The following NKAIN3 variants were observed in gnomAD, a reference collection of about 807,000 sequenced individuals.
NKAIN3 encodes the protein sodium/potassium transporting ATPase interacting 3, also known as sodium/potassium-transporting ATPase subunit beta-1-interacting protein 3.
NKAIN3 carries 25 observed loss-of-function variants against 30.2 expected under a neutral mutation model. The ratio of observed to expected loss-of-function variants is 0.83; its 90% CI spans 0.60 to 1.16. The LOEUF (loss-of-function observed/expected upper bound fraction) is 1.16. NKAIN3 is among the 50% of genes most tolerant of loss of function. NKAIN3 has a pLI of 0.00. For missense variants in NKAIN3, 225 were observed against 254.1 expected (o/e 0.89, Z 0.78); for synonymous variants, 91 against 89.6 (o/e 1.02, Z -0.09).
chr8:62,913,622 G>A (rs1028188816), intron 4 of NKAIN3, among the ~76,000 whole-genome samples: 13 of 152,128 alleles, frequency 8.5e-5, no homozygotes, highest in Non-Finnish European at 1.6e-4. Flanking sequence ...GAAAACTAAT[G>A]TTCACAAAAT....
Position 62,729,043 on chromosome 8 carries a change from A to AAAACAAACAAAC in NKAIN3, c.274-17886_274-17885insCAAACAAACAAA, listed in dbSNP as rs1696042224. ...ACAAACCAAAAAAAAAAAAAAACAA[A>AAAACAAACAAAC]AAAAAAAAACCTCCTGCTCTGCAAA... On this transcript the variant is annotated intron_variant, in intron 3 of 6. Coordinates refer to ENST00000623646, the MANE Select transcript of NKAIN3 (RefSeq NM_001304533.3). 3.7e-4 allele frequency among the ~76,000 whole-genome samples: 47 copies of AAAACAAACAAAC among 128,698 alleles called. 1 individual carries two copies. The highest frequency in any genetic ancestry group is 1.5e-3 in the African/African-American group (47 of 30,744). 84.4% of individuals were successfully genotyped at this position (128,698 alleles called of 152,430 possible). A position where few individuals can be genotyped will look rare whatever the true frequency, so the allele number is the denominator to read the frequency against.
At chr8:62,779,706 T>A (rs562570831) in intron 4 of NKAIN3, among the ~76,000 whole-genome samples, 1 of 152,310 alleles carries the variant, frequency 6.6e-6, no homozygotes, top group Non-Finnish European at 1.5e-5. Flanking sequence ...ATGGACAATA[T>A]GTTAGAACAC....
intron 4 of NKAIN3, among the ~76,000 whole-genome samples, chr8:62,748,292 G>C (rs1816153881): frequency 6.6e-6 from 1 of 152,018 alleles, no homozygotes; most frequent in East Asian, 1.9e-4. Flanking sequence ...CACATCTCTG[G>C]TGCTGGCTGT....
chr8:62,998,340 A>G (rs753151429), intron 5 of NKAIN3, among the ~76,000 whole-genome samples: 5 of 151,850 alleles, frequency 3.3e-5, no homozygotes, highest in East Asian at 1.9e-4. Flanking sequence ...CAGTGGCCCA[A>G]TCTCGGCTTA....
At chr8:62,431,286 C>A (rs1266983567) in intron 1 of NKAIN3, among the ~76,000 whole-genome samples, 4 of 151,804 alleles carry the variant, frequency 2.6e-5, no homozygotes, top group Non-Finnish European at 4.4e-5. Context: ...ATGTATTTAA[C>A]AAAGAACTCT....
At chr8:62,450,834 G>GA (rs1805616415) in intron 1 of NKAIN3, among the ~76,000 whole-genome samples, 1 of 152,172 alleles carries the variant, frequency 6.6e-6, no homozygotes, top group African/African-American at 2.4e-5. Context: ...GATCTTGAAA[G>GA]AATGTCTTAT....
intron 5 of NKAIN3, among the ~76,000 whole-genome samples, chr8:62,935,263 G>A (rs75931208): frequency 0.011 from 1,612 of 152,278 alleles, 7 homozygotes; most frequent in Non-Finnish European, 0.015. Flanking sequence ...AGATCATTAT[G>A]TAATCCTACA....
intron 3 of NKAIN3, among the ~76,000 whole-genome samples, chr8:62,673,992 A>G (rs1229044780): frequency 6.6e-6 from 1 of 152,206 alleles, no homozygotes; most frequent in African/African-American, 2.4e-5. Flanking sequence ...TAGTGGAAGG[A>G]TTAAATCAGT....
intron 1 of NKAIN3, among the ~76,000 whole-genome samples, chr8:62,292,582 G>T (rs1309207687): frequency 6.6e-6 from 1 of 152,174 alleles, no homozygotes; most frequent in Non-Finnish European, 1.5e-5. Flanking sequence ...CTTCTGGCTT[G>T]TAGAGTTTCT....
chr8:62,523,719 T>G (rs973553911), intron 1 of NKAIN3, among the ~76,000 whole-genome samples: 6 of 152,114 alleles, frequency 3.9e-5, no homozygotes, highest in Admixed American at 2.6e-4. Flanking sequence ...TCTGGATTTC[T>G]TATGACCATG....
At chr8:62,529,254 G>A (rs1808412551) in intron 1 of NKAIN3, among the ~76,000 whole-genome samples, 2 of 152,072 alleles carry the variant, frequency 1.3e-5, no homozygotes, top group Non-Finnish European at 1.5e-5. Flanking sequence ...AATTTAAAAG[G>A]CAAAAAGTTA....
At chr8:62,820,963 T>C (rs543608012) in intron 4 of NKAIN3, among the ~76,000 whole-genome samples, 2 of 152,288 alleles carry the variant, frequency 1.3e-5, no homozygotes, top group South Asian at 4.1e-4. Flanking sequence ...CCCAAACTTA[T>C]CATGGGCATA....
At chr8:62,907,246 T>C (rs1821802916) in intron 4 of NKAIN3, among the ~76,000 whole-genome samples, 1 of 152,164 alleles carries the variant, frequency 6.6e-6, no homozygotes, top group Non-Finnish European at 1.5e-5. Context: ...AACAAAGCAT[T>C]TAAGAGGTGA....
chr8:62,894,901 T>C (rs1193406553), intron 4 of NKAIN3, among the ~76,000 whole-genome samples: 2 of 152,164 alleles, frequency 1.3e-5, no homozygotes, highest in African/African-American at 4.8e-5. Context: ...CACATCAATA[T>C]TCCAGGCAAG....
At chr8:62,901,552 T>A (rs1869729) in intron 4 of NKAIN3, among the ~76,000 whole-genome samples, 1 of 152,058 alleles carries the variant, frequency 6.6e-6, no homozygotes, top group African/African-American at 2.4e-5. Context: ...AGCCTAATTT[T>A]GACTCTTGTG....
chr8:62,317,266 C>T (rs961653837), intron 1 of NKAIN3, among the ~76,000 whole-genome samples: 1 of 152,156 alleles, frequency 6.6e-6, no homozygotes, highest in African/African-American at 2.4e-5. Flanking sequence ...CGTGCAGAAG[C>T]TCTTTAGTTT....
At chr8:62,329,287 C>T (rs1025454808) in intron 1 of NKAIN3, among the ~76,000 whole-genome samples, 1 of 152,002 alleles carries the variant, frequency 6.6e-6, no homozygotes, top group Non-Finnish European at 1.5e-5. Flanking sequence ...AAAGACTTTT[C>T]TATACAGCAA....
At chr8:62,278,306 T>G (rs538652972) in intron 1 of NKAIN3, among the ~76,000 whole-genome samples, 260 of 151,816 alleles carry the variant, frequency 1.7e-3, no homozygotes, top group African/African-American at 6.1e-3. Flanking sequence ...ATGATAGAAC[T>G]AAGGAATGAA....
At chr8:62,947,398 G>T (rs1823155820) in intron 5 of NKAIN3, among the ~76,000 whole-genome samples, 1 of 152,162 alleles carries the variant, frequency 6.6e-6, no homozygotes, top group South Asian at 2.1e-4. Flanking sequence ...CCTTCCAAGG[G>T]CTGGCAAGGC....
Sources: allele counts gnomAD v4.1 joint callset (sites outside exome capture counted in the v4.1 genomes callset), GRCh38; gene constraint gnomAD v4.1.1; transcripts MANE v1.5; gene names NCBI Gene and HGNC (gene_info 2026-07-23, HGNC 2026-07-21).